The following SDK1 variants were observed in gnomAD, a reference collection of about 807,000 sequenced individuals.
SDK1 encodes protein sidekick-1.
In SDK1, 157 loss-of-function variants were observed where a neutral mutation model predicts 245.5. That is an observed-to-expected ratio of 0.64 (90% CI 0.56 to 0.73). SDK1 has a LOEUF of 0.73. Ranked by LOEUF, SDK1 falls within the 30% of genes least tolerant of loss-of-function variation. The probability of loss-of-function intolerance (pLI) is 0.00; values close to 1 mark genes in which losing one functional copy is unlikely to be tolerated. For missense variants in SDK1, 3,583 were observed against 3,002.3 expected, an observed-to-expected ratio of 1.19 and a Z score of -4.52; for synonymous variants, 1,647 against 1,278.5, an observed-to-expected ratio of 1.29 and a Z score of -6.15.
rs115687316 is a variant in SDK1, at chr7:3,333,819, G to C, written c.298+31935G>C. Among the ~76,000 whole-genome samples, 1,160 of 152,290 alleles carry C rather than the reference G, an allele frequency of 7.6e-3. 14 individuals are homozygous for C. Among genetic ancestry groups the C allele is most frequent in the African/African-American group, 0.027 (1,130 of 41,552 alleles). ...ATTAAATTTCTTGGTGAATTGTTGAGGGTACTTAGAAACGCTCCTAGCAGG... is the reference window on the plus strand; with the variant it reads ...ATTAAATTTCTTGGTGAATTGTTGACGGTACTTAGAAACGCTCCTAGCAGG... On this transcript the variant is annotated intron_variant, in intron 1 of 44. Coordinates refer to ENST00000404826, the MANE Select transcript of SDK1 (RefSeq NM_152744.4).
At chr7:3,717,958 T>TA (rs1386511249) in intron 4 of SDK1, among the ~76,000 whole-genome samples, 75 of 147,406 alleles carry the variant, frequency 5.1e-4, no homozygotes, top group African/African-American at 1.8e-3. Flanking sequence ...AAGACAGCAT[T>TA]TAAAAAAAAA....
intron 5 of SDK1, among the ~76,000 whole-genome samples, chr7:3,939,184 G>C (rs1406126297): frequency 1.3e-5 from 2 of 152,224 alleles, no homozygotes; most frequent in Non-Finnish European, 2.9e-5. Context: ...TTTGGGATTA[G>C]ATCTTTTGGG....
chr7:4,248,950 A>G (rs10268152), intron 44 of SDK1, among the ~76,000 whole-genome samples: 6 of 147,072 alleles, frequency 4.1e-5, no homozygotes, highest in East Asian at 1.9e-4. Context: ...CACAACACAT[A>G]CATACCTAAA....
intron 1 of SDK1, among the ~76,000 whole-genome samples, chr7:3,391,465 G>A (rs184162300): frequency 6.8e-6 from 1 of 147,636 alleles, no homozygotes; most frequent in South Asian, 2.1e-4. Flanking sequence ...ACATTTGGAA[G>A]TGATTTTTTT....
chr7:3,788,368 C>G (rs1451296673), intron 4 of SDK1, among the ~76,000 whole-genome samples: 2 of 152,158 alleles, frequency 1.3e-5, no homozygotes, highest in African/African-American at 2.4e-5. Context: ...GAAATGCAGT[C>G]TCGTGCTTTC....
At chr7:4,204,510 G>A (rs111265758) in intron 35 of SDK1, among the ~76,000 whole-genome samples, 5 of 152,102 alleles carry the variant, frequency 3.3e-5, no homozygotes, top group African/African-American at 4.8e-5. Flanking sequence ...TCTGCGCTGG[G>A]GGGAGAGAGC....
rs572125299 is a variant in SDK1 at position 4,097,047 on chromosome 7, C to T, written c.3325-13616C>T. ...TGCAGCAGTCCCCAGCTCTTTTTCCCGGTAGAAACTGACTTTAGGAACAGC... is the reference window on the plus strand; with the variant it reads ...TGCAGCAGTCCCCAGCTCTTTTTCCTGGTAGAAACTGACTTTAGGAACAGC... On this transcript the variant is annotated intron_variant, in intron 22 of 44. Transcript: ENST00000404826. Among the ~76,000 whole-genome samples the T allele has an allele frequency of 4.5e-4, 69 of 152,300 alleles. 2 individuals carry two copies. The highest frequency in any genetic ancestry group is 4.4e-5 in the Non-Finnish European group (3 of 68,028).
At chr7:3,677,808 G>C (rs1562650435) in intron 4 of SDK1, among the ~76,000 whole-genome samples, 1 of 152,212 alleles carries the variant, frequency 6.6e-6, no homozygotes. Context: ...ACATAGTTCA[G>C]TGGATGGAGT....
intron 4 of SDK1, among the ~76,000 whole-genome samples, chr7:3,811,131 C>T (rs1779373071): frequency 6.6e-6 from 1 of 152,202 alleles, no homozygotes; most frequent in African/African-American, 2.4e-5. Context: ...GAATTTGTAG[C>T]TTCTGAGCCA....
At chr7:4,013,125 A>G (rs1254562947) in intron 16 of SDK1, among the ~76,000 whole-genome samples, 1 of 152,208 alleles carries the variant, frequency 6.6e-6, no homozygotes, top group Non-Finnish European at 1.5e-5. Flanking sequence ...ACACTTCTGC[A>G]GGCCAGATGT....
intron 4 of SDK1, among the ~76,000 whole-genome samples, chr7:3,712,270 C>G (rs894170508): frequency 2.0e-5 from 3 of 152,084 alleles, no homozygotes; most frequent in African/African-American, 7.3e-5. Context: ...GGACCGTGAA[C>G]CTTATTGTGA....
intron 5 of SDK1, among the ~76,000 whole-genome samples, chr7:3,891,372 T>C (rs1015254144): frequency 6.6e-6 from 1 of 152,190 alleles, no homozygotes. Context: ...AGGAAGGTGC[T>C]GGAAGACATG....
At chr7:3,964,610 G>A (rs1347841862) in intron 9 of SDK1, among the ~76,000 whole-genome samples, 1 of 152,082 alleles carries the variant, frequency 6.6e-6, no homozygotes, top group Non-Finnish European at 1.5e-5. Context: ...TTGTTTCTGT[G>A]GGTTTTCTTT....
intron 44 of SDK1, among the ~76,000 whole-genome samples, chr7:4,259,189 G>A (rs550928497): frequency 5.9e-5 from 9 of 152,098 alleles, no homozygotes; most frequent in Non-Finnish European, 8.8e-5. Context: ...CTGTAATCTC[G>A]GCACTTTGGG....
intron 4 of SDK1, among the ~76,000 whole-genome samples, chr7:3,793,297 C>CG (rs1204164283): frequency 6.6e-6 from 1 of 152,106 alleles, no homozygotes; most frequent in East Asian, 1.9e-4. Flanking sequence ...TCTTGTCTTC[C>CG]ATTCCTCTTT....
chr7:3,745,996 G>GAGGTTTCCCTCATCTGTAA (rs1483843773), intron 4 of SDK1, among the ~76,000 whole-genome samples: 1 of 152,170 alleles, frequency 6.6e-6, no homozygotes, highest in East Asian at 1.9e-4. Context: ...CCTCTCTGTA[G>GAGGTTTCCCTCATCTGTAA]AGGTTTCCCT....
intron 5 of SDK1, among the ~76,000 whole-genome samples, chr7:3,887,175 C>T (rs1781357207): frequency 6.6e-6 from 1 of 152,106 alleles, no homozygotes; most frequent in African/African-American, 2.4e-5. Context: ...CTCAGGGGTC[C>T]AGGCTGCTTT....
In SDK1 at chr7:4,266,146, C is replaced by T; in HGVS notation, c.*762C>T. On this transcript the variant is annotated 3_prime_UTR_variant, in exon 45 of 45. Transcript: ENST00000404826. ...CTGGAAGCCACCACGCTGGCCCTCT[C>T]CTTCCCCGAACACAGCACACGGTCA... 2 of 985,540 alleles carry T rather than the reference C, an allele frequency of 2.0e-6. No individual in the cohort carries two copies. The highest frequency in any genetic ancestry group is 2.4e-6 in the Non-Finnish European group (2 of 829,976). 61.0% of individuals were successfully genotyped at this position (985,540 alleles called of 1,614,324 possible).
chr7:3,990,266 C>A (rs1176111000), intron 14 of SDK1, among the ~76,000 whole-genome samples: 4 of 152,222 alleles, frequency 2.6e-5, no homozygotes, highest in Non-Finnish European at 4.4e-5. Context: ...GGCCAGAGTC[C>A]AGGCCCTTCT....
Sources: gnomAD v4.1 joint callset for allele counts (sites outside exome capture counted in the v4.1 genomes callset) on GRCh38, gnomAD v4.1.1 for gene constraint, MANE v1.5 for transcripts, NCBI Gene and HGNC (gene_info 2026-07-23, HGNC 2026-07-21) for gene names.